RNF175: variants seen among roughly 807,000 people sequenced by gnomAD.
RNF175 encodes the protein ring finger protein 175.
In RNF175, 38 loss-of-function variants were observed where a neutral mutation model predicts 50.0. The ratio of observed to expected loss-of-function variants is 0.76; its 90% CI spans 0.59 to 1.00. The LOEUF (loss-of-function observed/expected upper bound fraction) is 1.00, where lower values mean the gene tolerates loss of function less well. Among genes scored for constraint, RNF175 ranks in the 50% least tolerant of loss-of-function variants. The pLI is 0.00. For synonymous variants in RNF175, 155 were observed against 146.1 expected (o/e 1.06, Z -0.44); for missense variants, 388 against 409.6 (o/e 0.95, Z 0.46).
chr4:153,715,710 C>A (rs1737873926), intron 6 of RNF175, 48 bp from the exon 7 acceptor site: 1 of 1,583,802 alleles, frequency 6.3e-7, no homozygotes, highest in South Asian at 1.2e-5. Flanking sequence ...GAGCACATGC[C>A]ACTCTCTGAA....
intron 7 of RNF175, 122 bp from the exon 8 acceptor site, chr4:153,712,698 T>C (rs1737672218): frequency 2.9e-6 from 2 of 681,972 alleles, no homozygotes; most frequent in African/African-American, 1.8e-5. Flanking sequence ...GGCACATCGC[T>C]TTTTTCGGGA....
chr4:153,739,215 G>C (rs866916739), intron 3 of RNF175, among the ~76,000 whole-genome samples: 12 of 152,188 alleles, frequency 7.9e-5, no homozygotes, highest in African/African-American at 2.9e-4. Context: ...GAGGTCAGGA[G>C]TTTGAGACCA....
At chr4:153,746,147 T>A (rs1249357350) in intron 3 of RNF175, among the ~76,000 whole-genome samples, 2 of 152,242 alleles carry the variant, frequency 1.3e-5, no homozygotes, top group Non-Finnish European at 2.9e-5. Context: ...ACAAGTTCTC[T>A]TCTTCCAAAA....
intron 3 of RNF175, among the ~76,000 whole-genome samples, chr4:153,735,922 G>T (rs1442971205): frequency 6.6e-6 from 1 of 152,224 alleles, no homozygotes; most frequent in East Asian, 1.9e-4. Context: ...AGACAATCAT[G>T]TAAGATGGTT....
chr4:153,752,771 CA>C (rs1740356800), intron 1 of RNF175, among the ~76,000 whole-genome samples: 1 of 151,604 alleles, frequency 6.6e-6, no homozygotes, highest in African/African-American at 2.4e-5. Flanking sequence ...ATGTGAGGGG[CA>C]AAAAACTAAT....
rs1259571972 is a variant in RNF175, at chr4:153,710,163, T to C, written c.*206A>G. ...TGCATGAGTTAAGAAACAGCTGTAATGGGAAAGATGAAAAAACATGCTTTA... is the reference window on the plus strand; with the variant it reads ...TGCATGAGTTAAGAAACAGCTGTAACGGGAAAGATGAAAAAACATGCTTTA... On this transcript the variant is annotated 3_prime_UTR_variant, in exon 9 of 9. Transcript: ENST00000347063. 1.1e-5 allele frequency: 5 copies of C among 452,638 alleles called. No homozygotes were observed. Among genetic ancestry groups the C allele is most frequent in the African/African-American group, 3.9e-5 (2 of 51,190 alleles). 28.0% of individuals were successfully genotyped at this position (452,638 alleles called of 1,614,324 possible). A position where few individuals can be genotyped will look rare whatever the true frequency, so the allele number is the denominator to read the frequency against.
intron 8 of RNF175, among the ~76,000 whole-genome samples, 186 bp from the exon 9 acceptor site, chr4:153,710,675 A>G (rs1426781328): frequency 6.6e-6 from 1 of 152,230 alleles, no homozygotes; most frequent in Non-Finnish European, 1.5e-5. Flanking sequence ...TACTTACACC[A>G]CACCCAATTC....
At position 153,751,725 on chromosome 4, in the gene RNF175, C is replaced by G. The variant is rs532363066; in HGVS notation, c.67-250G>C. Among the ~76,000 whole-genome samples, 4 of 152,250 alleles carry G rather than the reference C, an allele frequency of 2.6e-5. No homozygotes were observed. The East Asian group carries it at 7.7e-4, about 29-fold the overall frequency. Reference sequence around the variant, plus strand: ...CTGGATCAGAGAATCAGATGAGGCTCCATTTCTGTGGTTTTGTTTTGGCAA... The same window carrying G: ...CTGGATCAGAGAATCAGATGAGGCTGCATTTCTGTGGTTTTGTTTTGGCAA... On this transcript the variant is annotated intron_variant, in intron 1 of 8. Coordinates refer to ENST00000347063, the MANE Select transcript of RNF175 (RefSeq NM_173662.4).
At chr4:153,744,006 A>T (rs775617741) in intron 3 of RNF175, among the ~76,000 whole-genome samples, 2 of 152,202 alleles carry the variant, frequency 1.3e-5, no homozygotes, top group Non-Finnish European at 2.9e-5. Flanking sequence ...AGGTAGAGCC[A>T]GTGTGTAAGT....
intron 3 of RNF175, among the ~76,000 whole-genome samples, chr4:153,742,008 C>G (rs1266913353): frequency 6.6e-6 from 1 of 152,144 alleles, no homozygotes; most frequent in Non-Finnish European, 1.5e-5. Context: ...TGGTGGCTCA[C>G]GCCTGTAATC....
At chr4:153,754,498 G>C (rs1044615735) in intron 1 of RNF175, among the ~76,000 whole-genome samples, 1 of 152,146 alleles carries the variant, frequency 6.6e-6, no homozygotes, top group African/African-American at 2.4e-5. Flanking sequence ...AGTCAGTGGG[G>C]TCAGTCCACA....
chr4:153,732,454 TTTTAAAAAG>T (rs1739097299), intron 3 of RNF175, among the ~76,000 whole-genome samples: 1 of 152,220 alleles, frequency 6.6e-6, no homozygotes, highest in African/African-American at 2.4e-5. Flanking sequence ...TCTTGCCTCA[TTTTAAAAAG>T]ATTTGAGCAG....
chr4:153,733,632 A>T (rs1739171163), intron 3 of RNF175, among the ~76,000 whole-genome samples: 1 of 152,138 alleles, frequency 6.6e-6, no homozygotes, highest in African/African-American at 2.4e-5. Flanking sequence ...TCCCCTCTCT[A>T]CCCTTCAGTG....
intron 3 of RNF175, among the ~76,000 whole-genome samples, chr4:153,744,548 A>G (rs56232929): frequency 0.18 from 26,858 of 152,188 alleles, 3,085 homozygotes; most frequent in Non-Finnish European, 0.25. Context: ...CCACACCTGT[A>G]TTACTATGGA....
In RNF175 at chr4:153,712,576, G is replaced by C; in HGVS notation, c.765C>G (p.Val255=). The C allele has an allele frequency of 3.7e-6, 6 of 1,605,220 alleles. No homozygotes were observed. Among genetic ancestry groups the C allele is most frequent in the Non-Finnish European group, 4.3e-6 (5 of 1,172,680 alleles). The change falls in exon 8 of 9, where the codon GTC becomes GTG. Residue 255 remains valine, a splice_region_variant and synonymous_variant. Transcript: ENST00000347063. ...AACCTCGGATGCAGAATTCATGAAA[G>C]CTGAAGCATCTTGTTAGGGAGGCTT... The part of the protein sequence containing the change: ...ENTYQLSCNH[V]FHEFCIRGWC...
At chr4:153,729,980 C>A (rs747720836) in intron 3 of RNF175, among the ~76,000 whole-genome samples, 13 of 152,080 alleles carry the variant, frequency 8.5e-5, no homozygotes, top group Non-Finnish European at 1.3e-4. Context: ...GAGTTAGCAC[C>A]TTTATGTAAT....
intron 3 of RNF175, among the ~76,000 whole-genome samples, chr4:153,729,043 A>T (rs1254876112): frequency 6.6e-6 from 1 of 152,216 alleles, no homozygotes; most frequent in Non-Finnish European, 1.5e-5. Context: ...AGCAGGGCAG[A>T]GTGAACTGAC....
At chr4:153,747,160 T>A (rs1302094441) in intron 3 of RNF175, among the ~76,000 whole-genome samples, 2 of 152,190 alleles carry the variant, frequency 1.3e-5, no homozygotes, top group Admixed American at 6.5e-5. Flanking sequence ...GTTGTCTTGA[T>A]TACTTGCACC....
At chr4:153,757,941 C>T (rs1301614544) in intron 1 of RNF175, among the ~76,000 whole-genome samples, 1 of 152,062 alleles carries the variant, frequency 6.6e-6, no homozygotes, top group East Asian at 1.9e-4. Flanking sequence ...TTTATTCATT[C>T]AATAAATATT....
Sources: gnomAD v4.1 joint callset for allele counts (sites outside exome capture counted in the v4.1 genomes callset) on GRCh38, gnomAD v4.1.1 for gene constraint, MANE v1.5 for transcripts, NCBI Gene and HGNC (gene_info 2026-07-23, HGNC 2026-07-21) for gene names.